The following TMEM107 variants were observed in gnomAD, a reference collection of about 807,000 sequenced individuals.
TMEM107 encodes transmembrane protein 107.
TMEM107 carries 18 observed loss-of-function variants against 16.8 expected under a neutral mutation model. The observed-to-expected ratio is 1.07, with a 90% CI of 0.74 to 1.59. TMEM107 has a LOEUF of 1.59. Ranked by LOEUF, TMEM107 falls within the 40% of genes most tolerant of loss-of-function variation. TMEM107 has a pLI of 0.00. For missense variants in TMEM107, 152 were observed against 175.4 expected (o/e 0.87, Z 0.75); for synonymous variants, 68 against 71.6 (o/e 0.95, Z 0.25).
rs758047556 is a variant in TMEM107, at chr17:8,173,654, T to A, written c.*549A>T. 1.4e-6 allele frequency: 1 copy of A among 725,434 alleles called. No individual in the cohort carries two copies. The highest frequency in any genetic ancestry group is 2.5e-6 in the Non-Finnish European group (1 of 392,818). 44.9% of individuals were successfully genotyped at this position (725,434 alleles called of 1,614,324 possible). On this transcript the variant is annotated 3_prime_UTR_variant, in exon 5 of 5. Coordinates refer to ENST00000437139, the MANE Select transcript of TMEM107 (RefSeq NM_183065.4). ...TCCGTTACAAGCTAGGGTGAGTTCA[T>A]AACGCGCTGGTATGAGCAATCCTAT...
In TMEM107 at chr17:8,173,346, G is replaced by C. The variant is rs534743103; in HGVS notation, c.*857C>G. 47 of 598,420 alleles carry C rather than the reference G, an allele frequency of 7.9e-5. No homozygotes were observed. Among genetic ancestry groups the C allele is most frequent in the South Asian group, 5.2e-4 (24 of 46,352 alleles). The allele number at this position is 598,420 out of a possible 1,614,324, so 37.1% of individuals were successfully genotyped here. On this transcript the variant is annotated 3_prime_UTR_variant, in exon 5 of 5. Transcript: ENST00000437139. Reference sequence around the variant, plus strand: ...CAAAATAGACAAACAGCAATAGCAAGACTGCAAAATAGACAAACAGCAAGG... The same window carrying C: ...CAAAATAGACAAACAGCAATAGCAACACTGCAAAATAGACAAACAGCAAGG...
At position 8,172,847 on chromosome 17, in the gene TMEM107, G is replaced by C. The variant is rs2151868039; in HGVS notation, c.*1356C>G. Among the ~76,000 whole-genome samples, 1 of 112,788 alleles carries C rather than the reference G, an allele frequency of 8.9e-6. No individual in the cohort carries two copies. Among genetic ancestry groups the C allele is most frequent in the Middle Eastern group, 6.0e-3 (1 of 166 alleles). The allele number at this position is 112,788 out of a possible 152,430, so 74.0% of individuals were successfully genotyped here. A position where few individuals can be genotyped will look rare whatever the true frequency, so the allele number is the denominator to read the frequency against. ...CACTCTAGCCTGGGCAACAGAGTGA[G>C]ACTGTCTCAAAAAAAAAAAAAAAAA... On this transcript the variant is annotated 3_prime_UTR_variant, in exon 5 of 5. Coordinates refer to ENST00000437139, the MANE Select transcript of TMEM107 (RefSeq NM_183065.4).
Position 8,173,259 on chromosome 17 carries a change from A to G in TMEM107, c.*944T>C. The G allele has an allele frequency of 1.9e-6, 1 of 519,784 alleles. No homozygotes were observed. Among genetic ancestry groups the G allele is most frequent in the Non-Finnish European group, 3.4e-6 (1 of 290,008 alleles). The allele number at this position is 519,784 out of a possible 1,614,324, so 32.2% of individuals were successfully genotyped here. On this transcript the variant is annotated 3_prime_UTR_variant, in exon 5 of 5. Transcript: ENST00000437139. The stretch of plus-strand genomic sequence containing the variant: ...CCATTTGTATTATTTCACTGCCTAA[A>G]TTCCAGAAAGCAACAAAAACCAAAT...
At chr17:8,175,553 C>T (rs986108087) in intron 3 of TMEM107, 11 of 664,112 alleles carry the variant, frequency 1.7e-5, no homozygotes, top group Non-Finnish European at 3.0e-5. Flanking sequence ...GGATTACAGA[C>T]GTGAGCCAAC....
rs1478532449 is a variant in TMEM107 at position 8,176,297 on chromosome 17, G to A, written c.-11C>T. 1.9e-6 allele frequency: 3 copies of A among 1,611,726 alleles called. No homozygotes were observed. The highest frequency in any genetic ancestry group is 2.2e-5 in the East Asian group (1 of 44,864). On this transcript the variant is annotated 5_prime_UTR_variant, in exon 1 of 5. Coordinates refer to ENST00000437139, the MANE Select transcript of TMEM107 (RefSeq NM_183065.4). ...TGAGACCCGGCCCATGGCCCTCGGG[G>A]ACAAGGGCGGCGGTCTCTGAGGCTG...
chr17:8,176,160 A>T lies in TMEM107; in HGVS notation c.87+40T>A, dbSNP rs751786113. 5.0e-6 allele frequency: 8 copies of T among 1,606,432 alleles called. No individual in the cohort carries two copies. The Admixed American group carries it at 1.0e-4, about 20-fold the overall frequency. ...AGGGTAGGACTAGGACCACTCAGAG[A>T]TGGGAATGGGGACGGATTGAGTGCA... On this transcript the variant is annotated intron_variant, in intron 1 of 4. Transcript: ENST00000437139.
chr17:8,173,529 C>T lies in TMEM107; in HGVS notation c.*674G>A, dbSNP rs780396107. 2.1e-5 allele frequency: 16 copies of T among 765,272 alleles called. No individual in the cohort carries two copies. Among genetic ancestry groups the T allele is most frequent in the African/African-American group, 3.4e-5 (2 of 59,102 alleles). 47.4% of individuals were successfully genotyped at this position (765,272 alleles called of 1,614,324 possible). On this transcript the variant is annotated 3_prime_UTR_variant, in exon 5 of 5. Coordinates refer to ENST00000437139, the MANE Select transcript of TMEM107 (RefSeq NM_183065.4). ...TAATCACGTTTCATGCATCTCCAAT[C>T]ATCATGTTCTAATCTGCCCTCCGGA...
rs762443312 is a variant in TMEM107 at position 8,175,995 on chromosome 17, G to A, written c.119C>T (p.Thr40Met). The A allele has an allele frequency of 1.3e-5, 21 of 1,614,136 alleles. No homozygotes were observed. Among genetic ancestry groups the A allele is most frequent in the Admixed American group, 3.3e-5 (2 of 60,004 alleles). The change falls in exon 2 of 5, where the codon ACG becomes ATG. Residue 40 changes from threonine to methionine, a missense_variant. Thr to Met is a moderately conservative substitution (Grantham distance 81, BLOSUM62 -1). Coordinates refer to ENST00000437139, the MANE Select transcript of TMEM107 (RefSeq NM_183065.4). ...DSNIQACLPL[T>M]FTPEEYDKQD... ...CTTGTCATACTCCTCGGGGGTGAAC[G>A]TGAGAGGCAGGCAGGCCTGTATGTT... is the stretch of plus-strand genomic sequence containing the variant.
In TMEM107 at chr17:8,173,491, T is replaced by A. The variant is rs762385657; in HGVS notation, c.*712A>T. 2.6e-6 allele frequency: 2 copies of A among 765,016 alleles called. No individual in the cohort carries two copies. Among genetic ancestry groups the A allele is most frequent in the African/African-American group, 1.7e-5 (1 of 59,134 alleles). The allele number at this position is 765,016 out of a possible 1,614,324, so 47.4% of individuals were successfully genotyped here. On this transcript the variant is annotated 3_prime_UTR_variant, in exon 5 of 5. Coordinates refer to ENST00000437139, the MANE Select transcript of TMEM107 (RefSeq NM_183065.4). ...CAATCAGGGTGTTGCAAGTCCTGAT[T>A]ACGCAGAGACGTTAATCACGTTTCA...
In TMEM107 at chr17:8,173,898, A is replaced by T. The variant is rs137884691; in HGVS notation, c.*305T>A. On this transcript the variant is annotated 3_prime_UTR_variant, in exon 5 of 5. Coordinates refer to ENST00000437139, the MANE Select transcript of TMEM107 (RefSeq NM_183065.4). ...TAGTAACCAAAATAGAAGCGATACC[A>T]AGTATCTTACGGTCTGCAGGACTAG... 8.1e-6 allele frequency: 4 copies of T among 493,084 alleles called. No homozygotes were observed. Among genetic ancestry groups the T allele is most frequent in the African/African-American group, 3.9e-5 (2 of 51,426 alleles). 30.5% of individuals were successfully genotyped at this position (493,084 alleles called of 1,614,324 possible). A position where few individuals can be genotyped will look rare whatever the true frequency, so the allele number is the denominator to read the frequency against.
chr17:8,173,653 A>G lies in TMEM107; in HGVS notation c.*550T>C, dbSNP rs920916880. The G allele has an allele frequency of 7.3e-5, 53 of 725,846 alleles. No homozygotes were observed. Among genetic ancestry groups the G allele is most frequent in the Middle Eastern group, 2.3e-4 (1 of 4,332 alleles). The allele number at this position is 725,846 out of a possible 1,614,324, so 45.0% of individuals were successfully genotyped here. On this transcript the variant is annotated 3_prime_UTR_variant, in exon 5 of 5. Coordinates refer to ENST00000437139, the MANE Select transcript of TMEM107 (RefSeq NM_183065.4). ...TTCCGTTACAAGCTAGGGTGAGTTC[A>G]TAACGCGCTGGTATGAGCAATCCTA...
In TMEM107 at chr17:8,173,430, A is replaced by AAATGT. The variant is rs753673548; in HGVS notation, c.*768_*772dup. ...GGATATCTGCTAATCAGCATAACAC[A>AAATGT]AATGTAAGTGATCGTCAGAAAGAAT... On this transcript the variant is annotated 3_prime_UTR_variant, in exon 5 of 5. Transcript: ENST00000437139. 3.0e-4 allele frequency: 229 copies of AAATGT among 760,048 alleles called. 3 individuals are homozygous for AAATGT. The Admixed American group carries it at 3.9e-3, about 13-fold the overall frequency. 47.1% of individuals were successfully genotyped at this position (760,048 alleles called of 1,614,324 possible). A position where few individuals can be genotyped will look rare whatever the true frequency, so the allele number is the denominator to read the frequency against.
rs117573525 is a variant in TMEM107, at chr17:8,173,534, T to G, written c.*669A>C. The G allele has an allele frequency of 1.4e-5, 11 of 765,428 alleles. No homozygotes were observed. Among genetic ancestry groups the G allele is most frequent in the South Asian group, 5.4e-5 (4 of 74,616 alleles). The allele number at this position is 765,428 out of a possible 1,614,324, so 47.4% of individuals were successfully genotyped here. A position where few individuals can be genotyped will look rare whatever the true frequency, so the allele number is the denominator to read the frequency against. ...ACGTTTCATGCATCTCCAATCATCA[T>G]GTTCTAATCTGCCCTCCGGAGGAGG... On this transcript the variant is annotated 3_prime_UTR_variant, in exon 5 of 5. Transcript: ENST00000437139.
chr17:8,173,581 C>G lies in TMEM107; in HGVS notation c.*622G>C, dbSNP rs201266955. 1.6e-5 allele frequency: 12 copies of G among 764,224 alleles called. No homozygotes were observed. Among genetic ancestry groups the G allele is most frequent in the Non-Finnish European group, 1.9e-5 (8 of 417,412 alleles). 47.3% of individuals were successfully genotyped at this position (764,224 alleles called of 1,614,324 possible). A position where few individuals can be genotyped will look rare whatever the true frequency, so the allele number is the denominator to read the frequency against. ...GAGGAACAGGTAAGGATTATCCCAC[C>G]TGACGATACAGACAAACAGCCGACA... On this transcript the variant is annotated 3_prime_UTR_variant, in exon 5 of 5. Transcript: ENST00000437139.
rs1034371432 is a variant in TMEM107, at chr17:8,173,308, T to C, written c.*895A>G. 3.9e-5 allele frequency: 21 copies of C among 535,530 alleles called. No homozygotes were observed. The highest frequency in any genetic ancestry group is 5.7e-5 in the African/African-American group (3 of 52,178). The allele number at this position is 535,530 out of a possible 1,614,324, so 33.2% of individuals were successfully genotyped here. ...ATCACAATTTTCAAGAACAAACAAA[T>C]TTAGCAAGACTGCAAAATAGACAAA... is the stretch of plus-strand genomic sequence containing the variant. On this transcript the variant is annotated 3_prime_UTR_variant, in exon 5 of 5. Coordinates refer to ENST00000437139, the MANE Select transcript of TMEM107 (RefSeq NM_183065.4).
In TMEM107 at chr17:8,173,397, A is replaced by ATAGCTG. The variant is rs1567549344; in HGVS notation, c.*805_*806insCAGCTA. On this transcript the variant is annotated 3_prime_UTR_variant, in exon 5 of 5. Coordinates refer to ENST00000437139, the MANE Select transcript of TMEM107 (RefSeq NM_183065.4). ...TTATCCCAGTCAGAACTTCATAGCTATGTTTGTGGATATCTGCTAATCAGC... is the reference window on the plus strand; with the variant it reads ...TTATCCCAGTCAGAACTTCATAGCTATAGCTGTGTTTGTGGATATCTGCTAATCAGC... 321 of 716,512 alleles carry ATAGCTG rather than the reference A, an allele frequency of 4.5e-4. No individual in the cohort carries two copies. The highest frequency in any genetic ancestry group is 4.2e-3 in the African/African-American group (242 of 57,910). 44.4% of individuals were successfully genotyped at this position (716,512 alleles called of 1,614,324 possible).
chr17:8,175,796 A>G lies in TMEM107; in HGVS notation c.217T>C (p.Ser73Pro). Residue 73 changes from serine (S) to proline (P), a missense_variant, in exon 3 of 5, where the codon TCA becomes CCA. Physicochemically the swap from Ser to Pro is moderately conservative, Grantham distance 74. Transcript: ENST00000437139. ...GTGCTGTTGAACATGGAGACTCCTG[A>G]GAGGAAACCGGCCAGCTCCACTGCA... ...LFAVELAGFL[S>P]GVSMFNSTQS... The G allele has an allele frequency of 6.2e-7, 1 of 1,614,172 alleles. No homozygotes were observed. The highest frequency in any genetic ancestry group is 8.5e-7 in the Non-Finnish European group (1 of 1,180,024).
rs759112528 is a variant in TMEM107 at position 8,176,001 on chromosome 17, G to A, written c.113C>T (p.Pro38Leu). The A allele has an allele frequency of 1.9e-5, 30 of 1,614,126 alleles. No individual in the cohort carries two copies. The highest frequency in any genetic ancestry group is 1.6e-4 in the Middle Eastern group (1 of 6,084). Residue 38 changes from proline (P) to leucine (L), a missense_variant, in exon 2 of 5, where the codon CCT becomes CTT. Physicochemically the swap from Pro to Leu is moderately conservative, Grantham distance 98 (BLOSUM62 -3). Transcript: ENST00000437139. ...ATACTCCTCGGGGGTGAACGTGAGA[G>A]GCAGGCAGGCCTGTATGTTGCTGTC... ...SRDSNIQACLPLTFTPEEYDK... is the reference protein window; with the variant it reads ...SRDSNIQACLLLTFTPEEYDK...
rs1027660599 is a variant in TMEM107 at position 8,173,367 on chromosome 17, C to G, written c.*836G>C. 4.7e-6 allele frequency: 3 copies of G among 632,490 alleles called. No individual in the cohort carries two copies. The highest frequency in any genetic ancestry group is 2.7e-5 in the East Asian group (1 of 37,004). 39.2% of individuals were successfully genotyped at this position (632,490 alleles called of 1,614,324 possible). On this transcript the variant is annotated 3_prime_UTR_variant, in exon 5 of 5. Transcript: ENST00000437139. ...GCAAGACTGCAAAATAGACAAACAG[C>G]AAGGTTATCCCAGTCAGAACTTCAT...
Sources: allele counts gnomAD v4.1 joint callset (sites outside exome capture counted in the v4.1 genomes callset), GRCh38; gene constraint gnomAD v4.1.1; transcripts MANE v1.5; gene names NCBI Gene and HGNC (gene_info 2026-07-23, HGNC 2026-07-21).